Variants in FAAP100 observed in about 807,000 individuals in gnomAD.
The protein encoded by FAAP100 is FA core complex associated protein 100.
FAAP100 carries 46 observed loss-of-function variants against 65.8 expected under a neutral mutation model. The observed-to-expected ratio is 0.70, with a 90% CI of 0.55 to 0.89. FAAP100 has a LOEUF of 0.89. FAAP100 is among the 40% of genes least tolerant of loss of function. The probability of loss-of-function intolerance (pLI) is 0.00; values close to 1 mark genes in which losing one functional copy is unlikely to be tolerated. For missense variants in FAAP100, 1,165 were observed against 1,196.7 expected (o/e 0.97, Z 0.39); for synonymous variants, 663 against 555.1 (o/e 1.19, Z -2.73).
At chr17:81,545,201 C>A (rs955735386) in intron 6 of FAAP100, among the ~76,000 whole-genome samples, 6 of 152,210 alleles carry the variant, frequency 3.9e-5, no homozygotes, top group Non-Finnish European at 5.9e-5. Flanking sequence ...AGACTCTGAG[C>A]CCCAGGCAGC....
chr17:81,544,265 G>A (rs558486570), intron 6 of FAAP100, 145 bp from the exon 7 acceptor site: 1 of 635,572 alleles, frequency 1.6e-6, no homozygotes, highest in Non-Finnish European at 2.7e-6. Context: ...CCTATACCCT[G>A]AAGGAGCAGA....
rs778911242 is a variant in FAAP100, at chr17:81,547,656, C to T, written c.1426G>A (p.Val476Ile). Reference sequence around the variant, plus strand: ...GTCAGTGCCTTGTTCCGCTGGTCAACCGCCTTCTTTAGAAAAGACACTCTG... The same window carrying T: ...GTCAGTGCCTTGTTCCGCTGGTCAATCGCCTTCTTTAGAAAAGACACTCTG... ...SERVSFLKKA[V>I]DQRNKALTSL... The change falls in exon 5 of 9, where the codon GTT (valine) becomes ATT (isoleucine). Residue 476 changes from valine (V) to isoleucine (I), a missense_variant. Physicochemically the swap from Val to Ile is conservative, Grantham distance 29. Coordinates refer to ENST00000327787, the MANE Select transcript of FAAP100 (RefSeq NM_025161.6). 2 of 1,610,598 alleles carry T rather than the reference C, an allele frequency of 1.2e-6. No homozygotes were observed. The highest frequency in any genetic ancestry group is 1.7e-6 in the Non-Finnish European group (2 of 1,178,036).
chr17:81,547,047 A>G lies in FAAP100; in HGVS notation c.2035T>C (p.Phe679Leu), dbSNP rs768991877. 20 of 1,557,786 alleles carry G rather than the reference A, an allele frequency of 1.3e-5. No homozygotes were observed. Among genetic ancestry groups the G allele is most frequent in the Non-Finnish European group, 1.5e-5 (17 of 1,151,746 alleles). ...LGPTRDPVAT[F>L]LETCREPGSQ... ...CCAGGCTCCCGACAAGTTTCCAGAA[A>G]AGTGGCCACAGGGTCTCGGGTGGGG... Residue 679 changes from phenylalanine (F) to leucine (L), a missense_variant, in exon 5 of 9, where the codon TTT becomes CTT. Physicochemically the swap from Phe to Leu is conservative, Grantham distance 22. Transcript: ENST00000327787.
In FAAP100 at chr17:81,550,950, C is replaced by G. The variant is rs751990276; in HGVS notation, c.544G>C (p.Ala182Pro). Residue 182 changes from alanine to proline, a missense_variant, in exon 3 of 9, where the codon GCC (alanine) becomes CCC (proline). Physicochemically the swap from Ala to Pro is conservative, Grantham distance 27. Transcript: ENST00000327787. ...EVELSSYTPP[A>P]GVPGKPAAPH... is the part of the protein sequence containing the mutation. ...GCTGCAGGCTTTCCTGGGACCCCGG[C>G]TGGGGGCGTGTAGGAGGACAGCTCC... is the stretch of plus-strand genomic sequence containing the variant. The G allele has an allele frequency of 2.5e-6, 4 of 1,612,130 alleles. No individual in the cohort carries two copies. The Admixed American group carries it at 5.0e-5, about 20-fold the overall frequency.
Position 81,544,031 on chromosome 17 carries a change from C to T in FAAP100, c.2400G>A (p.Ala800=). ...ESSSLADICR[A]HHAVVGRMQT... The stretch of plus-strand genomic sequence containing the variant: ...GCATGCGCCCGACAACGGCATGGTG[C>T]GCCCTGCAAATGTCGGCCAGAGAGG... The change falls in exon 7 of 9, where the codon GCG becomes GCA. Residue 800 remains alanine (A), a synonymous_variant. Coordinates refer to ENST00000327787, the MANE Select transcript of FAAP100 (RefSeq NM_025161.6). 3.1e-6 allele frequency: 5 copies of T among 1,612,540 alleles called. No homozygotes were observed. Among genetic ancestry groups the T allele is most frequent in the African/African-American group, 1.3e-5 (1 of 75,050 alleles).
At chr17:81,541,126 GCCC>G (rs952787020) in intron 8 of FAAP100, among the ~76,000 whole-genome samples, 176 bp from the exon 9 acceptor site, 10 of 152,184 alleles carry the variant, frequency 6.6e-5, no homozygotes, top group African/African-American at 2.4e-4. Flanking sequence ...CGGACACCCA[GCCC>G]CTCAAGTAGG....
intron 4 of FAAP100, 167 bp from the exon 5 acceptor site, chr17:81,547,845 C>G: frequency 2.3e-6 from 2 of 878,956 alleles, no homozygotes; most frequent in Non-Finnish European, 3.7e-6. Flanking sequence ...ATGTTTCTCC[C>G]GGCCCCACCC....
intron 8 of FAAP100, 107 bp downstream of exon 8, chr17:81,541,202 A>G (rs111228182): frequency 0.026 from 34,370 of 1,300,322 alleles, 538 homozygotes; most frequent in Non-Finnish European, 0.03. Flanking sequence ...AGCGAAGCCC[A>G]TGCGCTGTGA....
In FAAP100 at chr17:81,551,047, T is replaced by C; in HGVS notation, c.447A>G (p.Arg149=). The part of the protein sequence containing the change: ...VLVTLVQGPA[R]WKMQLFEQPC... Reference sequence around the variant, plus strand: ...GCTGCTCAAACAGCTGCATCTTCCATCGGGCAGGGCCCTGCACCAGGGTGA... The same window carrying C: ...GCTGCTCAAACAGCTGCATCTTCCACCGGGCAGGGCCCTGCACCAGGGTGA... The change falls in exon 3 of 9, where the codon CGA becomes CGG. Residue 149 remains arginine, a synonymous_variant. Coordinates refer to ENST00000327787, the MANE Select transcript of FAAP100 (RefSeq NM_025161.6). 1 of 1,605,206 alleles carries C rather than the reference T, an allele frequency of 6.2e-7. No individual in the cohort carries two copies. The highest frequency in any genetic ancestry group is 8.5e-7 in the Non-Finnish European group (1 of 1,176,454).
intron 4 of FAAP100, chr17:81,548,066 C>T (rs1285304700): frequency 1.1e-5 from 7 of 660,632 alleles, no homozygotes; most frequent in African/African-American, 3.6e-5. Flanking sequence ...TCCTAGTGGG[C>T]CTCTTTTCTC....
intron 7 of FAAP100, among the ~76,000 whole-genome samples, chr17:81,542,200 AATATATATATATATATATAT>A (rs760595551): frequency 7.3e-5 from 2 of 27,240 alleles, no homozygotes; most frequent in Admixed American, 1.3e-3. Context: ...AAAAAAAAAA[AATATATATATATATATATAT>A]ATATATATAT....
Position 81,540,768 on chromosome 17 carries a change from C to T in FAAP100, c.*51G>A, listed in dbSNP as rs919943945. 2.7e-5 allele frequency: 39 copies of T among 1,461,074 alleles called. No individual in the cohort carries two copies. Among genetic ancestry groups the T allele is most frequent in the Non-Finnish European group, 3.3e-5 (36 of 1,105,598 alleles). 90.5% of individuals were successfully genotyped at this position (1,461,074 alleles called of 1,614,324 possible). On this transcript the variant is annotated 3_prime_UTR_variant, in exon 9 of 9. Transcript: ENST00000327787. Reference sequence around the variant, plus strand: ...CTCTAACCCATGAGGCCTGGGGGGGCTGTGACAGAGGCTGGAAGCGTGGCC... The same window carrying T: ...CTCTAACCCATGAGGCCTGGGGGGGTTGTGACAGAGGCTGGAAGCGTGGCC...
rs1016007158 is a variant in FAAP100 at position 81,552,148 on chromosome 17, C to T, written c.165+18G>A. 5 of 1,488,692 alleles carry T rather than the reference C, an allele frequency of 3.4e-6. No individual in the cohort carries two copies. Among genetic ancestry groups the T allele is most frequent in the Non-Finnish European group, 4.4e-6 (5 of 1,127,142 alleles). The allele number at this position is 1,488,692 out of a possible 1,614,324, so 92.2% of individuals were successfully genotyped here. A position where few individuals can be genotyped will look rare whatever the true frequency, so the allele number is the denominator to read the frequency against. On this transcript the variant is annotated intron_variant, in intron 1 of 8. Coordinates refer to ENST00000327787, the MANE Select transcript of FAAP100 (RefSeq NM_025161.6). ...CGCCCCCGCCCGGTCCCTCCCGCCC[C>T]CGCGGGCCGGCGCTCACGGTCAGCA...
intron 6 of FAAP100, 148 bp from the exon 7 acceptor site, chr17:81,544,268 G>A (rs2033217648): frequency 7.9e-6 from 5 of 630,774 alleles, no homozygotes; most frequent in African/African-American, 1.8e-5. Context: ...ATACCCTGAA[G>A]GAGCAGAGCT....
chr17:81,550,829 T>C lies in FAAP100; in HGVS notation c.665A>G (p.Asp222Gly). 2 of 1,612,116 alleles carry C rather than the reference T, an allele frequency of 1.2e-6. No homozygotes were observed. The highest frequency in any genetic ancestry group is 1.7e-6 in the Non-Finnish European group (2 of 1,179,636). Residue 222 changes from aspartate (D) to glycine (G), a missense_variant, in exon 3 of 9, where the codon GAC (aspartate) becomes GGC (glycine). Coordinates refer to ENST00000327787, the MANE Select transcript of FAAP100 (RefSeq NM_025161.6). ...TCCAAAGAGGAGCCCGAAGAGGGCGTCCTCCAGCGTGAAGCCCCCGGAGCC... is the reference window on the plus strand; with the variant it reads ...TCCAAAGAGGAGCCCGAAGAGGGCGCCCTCCAGCGTGAAGCCCCCGGAGCC... ...LGGSGGFTLE[D>G]ALFGLLFGAD...
rs1031912381 is a variant in FAAP100 at position 81,551,681 on chromosome 17, G to A, written c.290+247C>T. The A allele has an allele frequency of 1.7e-5, 23 of 1,325,590 alleles. No individual in the cohort carries two copies. In the South Asian group the frequency reaches 4.3e-4, roughly 25 times the overall value. The allele number at this position is 1,325,590 out of a possible 1,614,324, so 82.1% of individuals were successfully genotyped here. A position where few individuals can be genotyped will look rare whatever the true frequency, so the allele number is the denominator to read the frequency against. Reference sequence around the variant, plus strand: ...CAGCACCGGGCCACCAGGGCCCAAAGGACAGGATCCCGCGCCCCGCCGTGG... The same window carrying A: ...CAGCACCGGGCCACCAGGGCCCAAAAGACAGGATCCCGCGCCCCGCCGTGG... On this transcript the variant is annotated intron_variant, in intron 2 of 8. Coordinates refer to ENST00000327787, the MANE Select transcript of FAAP100 (RefSeq NM_025161.6).
At chr17:81,541,878 C>T (rs2033107262) in intron 7 of FAAP100, among the ~76,000 whole-genome samples, 1 of 152,100 alleles carries the variant, frequency 6.6e-6, no homozygotes, top group African/African-American at 2.4e-5. Context: ...GATCTAAATT[C>T]CCAGATGGGA....
At position 81,550,983 on chromosome 17, in the gene FAAP100, C is replaced by G; in HGVS notation, c.511G>C (p.Gly171Arg). The G allele has an allele frequency of 6.2e-7, 1 of 1,611,846 alleles. No individual in the cohort carries two copies. Residue 171 changes from glycine (G) to arginine (R), a missense_variant, in exon 3 of 9, where the codon GGT (glycine) becomes CGT (arginine). Coordinates refer to ENST00000327787, the MANE Select transcript of FAAP100 (RefSeq NM_025161.6). ...GTGTAGGAGGACAGCTCCACCTCAC[C>G]GATCTGGCCTCCTGGCCGGGGGTCC... ...GEDPRPGGQI[G>R]EVELSSYTPP...
rs141572774 is a variant in FAAP100, at chr17:81,550,651, G to A, written c.843C>T (p.Pro281=). ...TCTTCAAGGCCCCTATGAAGATGAC[G>A]GGCTCCTCCAGGTGATGGAGGATCT... ...LVKILHHLEE[P]VIFIGALKTE... The change falls in exon 3 of 9, where the codon CCC becomes CCT. Residue 281 remains proline, a synonymous_variant. Transcript: ENST00000327787. 30 of 1,613,008 alleles carry A rather than the reference G, an allele frequency of 1.9e-5. No individual in the cohort carries two copies. The highest frequency in any genetic ancestry group is 1.6e-4 in the Middle Eastern group (1 of 6,062).
Sources: gnomAD v4.1 joint callset for allele counts (sites outside exome capture counted in the v4.1 genomes callset) on GRCh38, gnomAD v4.1.1 for gene constraint, MANE v1.5 for transcripts, NCBI Gene and HGNC (gene_info 2026-07-23, HGNC 2026-07-21) for gene names.